Variants in GALNT13 observed in about 807,000 individuals in gnomAD.
The protein encoded by GALNT13 is UDP-GalNAc:polypeptide N-acetylgalactosaminyltransferase 13.
In GALNT13, 28 loss-of-function variants were observed where a neutral mutation model predicts 64.2. That is an observed-to-expected ratio of 0.44 (90% CI 0.32 to 0.60). GALNT13 has a LOEUF of 0.60. GALNT13 is among the 20% of genes least tolerant of loss of function. The probability of loss-of-function intolerance (pLI) is 0.05; values close to 1 mark genes in which losing one functional copy is unlikely to be tolerated. For synonymous variants in GALNT13, 214 were observed against 224.6 expected, an observed-to-expected ratio of 0.95 and a Z score of 0.42; for missense variants, 577 against 669.8, an observed-to-expected ratio of 0.86 and a Z score of 1.53.
At chr2:154,034,341 T>C (rs934151809) in intron 3 of GALNT13, among the ~76,000 whole-genome samples, 6 of 152,200 alleles carry the variant, frequency 3.9e-5, no homozygotes, top group Admixed American at 2.6e-4. Flanking sequence ...CATTTTTCCA[T>C]TTATATGACA....
the GALNT13 span, among the ~76,000 whole-genome samples, chr2:153,438,900 T>A: frequency 6.6e-6 from 1 of 152,154 alleles, no homozygotes; most frequent in African/African-American, 2.4e-5. Flanking sequence ...GGCGCTCTGA[T>A]TTTTTGAGTT....
At chr2:153,494,952 C>T in the GALNT13 span, among the ~76,000 whole-genome samples, 1 of 151,832 alleles carries the variant, frequency 6.6e-6, no homozygotes, top group Non-Finnish European at 1.5e-5. Context: ...TAAAAATGTC[C>T]AGTAAATACA....
chr2:153,257,023 G>A, the GALNT13 span, among the ~76,000 whole-genome samples: 4 of 152,358 alleles, frequency 2.6e-5, no homozygotes, highest in East Asian at 7.7e-4. Context: ...AATCAAGTCT[G>A]GGCAATGGCG....
chr2:153,817,688 A>G, the GALNT13 span, among the ~76,000 whole-genome samples: 1 of 152,182 alleles, frequency 6.6e-6, no homozygotes, highest in African/African-American at 2.4e-5. Context: ...CAATGTCCTG[A>G]GTAAAGTCTT....
At chr2:153,824,222 G>A in the GALNT13 span, among the ~76,000 whole-genome samples, 1 of 151,972 alleles carries the variant, frequency 6.6e-6, no homozygotes, top group African/African-American at 2.4e-5. Context: ...ACTGTATATA[G>A]CTATACAGCA....
At chr2:153,254,643 T>C in the GALNT13 span, among the ~76,000 whole-genome samples, 355 of 152,262 alleles carry the variant, frequency 2.3e-3, 1 homozygote, top group South Asian at 9.6e-3. Context: ...GCTTTGGATG[T>C]GTCCCAGAGA....
At chr2:154,139,621 A>AAC (rs59526662) in intron 3 of GALNT13, among the ~76,000 whole-genome samples, 49,667 of 147,278 alleles carry the variant, frequency 0.34, 8,525 homozygotes, top group East Asian at 0.67. Flanking sequence ...ATGTGTAGGC[A>AAC]ACACACACAC....
rs372933933 is a variant in GALNT13, at chr2:154,394,895, A to G, written c.1157-1096A>G. Among the ~76,000 whole-genome samples, 16 of 152,362 alleles carry G rather than the reference A, an allele frequency of 1.1e-4. No individual in the cohort carries two copies. The East Asian group carries it at 1.7e-3, about 17-fold the overall frequency. ...TATGGCATTTAATTTTGAAAAAACA[A>G]AAGTTCTGAAGAGACAAGAAGGTCG... On this transcript the variant is annotated intron_variant, in intron 9 of 12. Coordinates refer to ENST00000392825, the MANE Select transcript of GALNT13 (RefSeq NM_052917.4).
At chr2:153,367,008 C>CAAAAAA in the GALNT13 span, among the ~76,000 whole-genome samples, 1 of 49,686 alleles carries the variant, frequency 2.0e-5, no homozygotes, top group Non-Finnish European at 5.0e-5. Flanking sequence ...CTCAAGCAAA[C>CAAAAAA]AAACAAACAA....
intron 3 of GALNT13, among the ~76,000 whole-genome samples, chr2:154,076,153 G>C (rs573662861): frequency 1.3e-5 from 2 of 151,680 alleles, no homozygotes; most frequent in East Asian, 3.9e-4. Flanking sequence ...ATTCCTATTG[G>C]AATTTTTAAA....
At chr2:154,063,731 A>T (rs931796773) in intron 3 of GALNT13, among the ~76,000 whole-genome samples, 4 of 152,214 alleles carry the variant, frequency 2.6e-5, no homozygotes, top group African/African-American at 9.6e-5. Flanking sequence ...CTCATAAATG[A>T]TGAATATTAA....
chr2:153,257,275 C>G, the GALNT13 span, among the ~76,000 whole-genome samples: 1 of 152,152 alleles, frequency 6.6e-6, no homozygotes, highest in East Asian at 1.9e-4. Context: ...ACCCCTTGGG[C>G]TTCCCAAGTG....
At chr2:154,358,481 A>G (rs1045471832) in intron 9 of GALNT13, among the ~76,000 whole-genome samples, 5 of 152,098 alleles carry the variant, frequency 3.3e-5, no homozygotes, top group Admixed American at 1.3e-4. Context: ...AAATTTTACA[A>G]TTCCGTATAT....
At chr2:153,478,038 C>A in the GALNT13 span, 4 of 590,330 alleles carry the variant, frequency 6.8e-6, no homozygotes, top group Admixed American at 3.0e-5. Flanking sequence ...AGAGTCTGGG[C>A]GCTCTCCTCC....
At chr2:153,829,978 C>G in the GALNT13 span, among the ~76,000 whole-genome samples, 1 of 151,988 alleles carries the variant, frequency 6.6e-6, no homozygotes, top group African/African-American at 2.4e-5. Context: ...TATATATTTC[C>G]TTTAAACAGA....
chr2:154,070,892 T>G (rs1040094438), intron 3 of GALNT13, among the ~76,000 whole-genome samples: 4 of 151,620 alleles, frequency 2.6e-5, no homozygotes, highest in Non-Finnish European at 5.9e-5. Flanking sequence ...TCCAGCCTAG[T>G]TGACAGAGTG....
intron 4 of GALNT13, among the ~76,000 whole-genome samples, chr2:154,208,730 CT>C (rs1368908663): frequency 6.7e-6 from 1 of 148,622 alleles, no homozygotes; most frequent in Non-Finnish European, 1.5e-5. Context: ...GGATCATATA[CT>C]TTTATTACCT....
intron 9 of GALNT13, among the ~76,000 whole-genome samples, chr2:154,365,617 A>G (rs1697323486): frequency 6.6e-6 from 1 of 152,226 alleles, no homozygotes; most frequent in Admixed American, 6.5e-5. Context: ...TGACAAGATC[A>G]TCCTATAGAT....
At chr2:153,510,928 A>G in the GALNT13 span, among the ~76,000 whole-genome samples, 3 of 151,998 alleles carry the variant, frequency 2.0e-5, no homozygotes, top group African/African-American at 7.3e-5. Context: ...ACTCTGTGGT[A>G]TCTCGCAATG....
Sources: gnomAD v4.1 joint callset for allele counts (sites outside exome capture counted in the v4.1 genomes callset) on GRCh38, gnomAD v4.1.1 for gene constraint, MANE v1.5 for transcripts, NCBI Gene and HGNC (gene_info 2026-07-23, HGNC 2026-07-21) for gene names.